LYVE1: variants seen among roughly 807,000 people sequenced by gnomAD.
LYVE1 encodes the protein lymphatic vessel endothelial hyaluronan receptor 1.
In LYVE1, 29 loss-of-function variants were observed where a neutral mutation model predicts 31.5. That is an observed-to-expected ratio of 0.92 (90% CI 0.69 to 1.26). LYVE1 has a LOEUF of 1.26. LYVE1 is among the 50% of genes most tolerant of loss of function. The pLI is 0.00. For missense variants in LYVE1, 376 were observed against 380.2 expected (o/e 0.99, Z 0.09); for synonymous variants, 134 against 139.4 (o/e 0.96, Z 0.27).
chr11:10,560,026 T>G (rs930200465), intron 4 of LYVE1, 132 bp from the exon 5 acceptor site: 4 of 611,306 alleles, frequency 6.5e-6, no homozygotes, highest in African/African-American at 5.6e-5. Context: ...TTTATGATAT[T>G]GGGCCCACAC....
chr11:10,559,227 C>T lies in LYVE1; in HGVS notation c.853G>A (p.Glu285Lys), dbSNP rs1351121269. 3.1e-6 allele frequency: 5 copies of T among 1,614,138 alleles called. No individual in the cohort carries two copies. The highest frequency in any genetic ancestry group is 3.4e-6 in the Non-Finnish European group (4 of 1,180,004). ...GGGTTGCTATCATTGGCCTTCTCCTCCTTTACTACTTTGGTTTCGATCATT... is the reference window on the plus strand; with the variant it reads ...GGGTTGCTATCATTGGCCTTCTCCTTCTTTACTACTTTGGTTTCGATCATT... ...KEMIETKVVK[E>K]EKANDSNPNE... Residue 285 changes from glutamate to lysine, a missense_variant, in exon 6 of 6, where the codon GAG becomes AAG. Transcript: ENST00000256178.
At chr11:10,563,800 C>T in intron 3 of LYVE1, 140 bp downstream of exon 3, 1 of 1,103,002 alleles carries the variant, frequency 9.1e-7, no homozygotes, top group Non-Finnish European at 1.3e-6. Context: ...CTAGCCTGGC[C>T]AGAGAGACAG....
chr11:10,561,719 C>A (rs1850429400), intron 3 of LYVE1, among the ~76,000 whole-genome samples: 1 of 151,744 alleles, frequency 6.6e-6, no homozygotes, highest in South Asian at 2.1e-4. Context: ...CCCAAAGTCA[C>A]AGAGCTAGTA....
In LYVE1 at chr11:10,558,189, T is replaced by C. The variant is rs901705098; in HGVS notation, c.*922A>G. ...ATGTGCAATTTTTTGAGGAATAATATTCAATTACAGAGTGTAATACCTTGC... is the reference window on the plus strand; with the variant it reads ...ATGTGCAATTTTTTGAGGAATAATACTCAATTACAGAGTGTAATACCTTGC... On this transcript the variant is annotated 3_prime_UTR_variant, in exon 6 of 6. Transcript: ENST00000256178. 6.6e-6 allele frequency: 1 copy of C among 152,218 alleles called. No homozygotes were observed. The highest frequency in any genetic ancestry group is 2.4e-5 in the African/African-American group (1 of 41,468). The allele number at this position is 152,218 out of a possible 1,614,324, so 9.4% of individuals were successfully genotyped here. A position where few individuals can be genotyped will look rare whatever the true frequency, so the allele number is the denominator to read the frequency against.
Position 10,558,155 on chromosome 11 carries a change from C to T in LYVE1, c.*956G>A, listed in dbSNP as rs1376259026. The stretch of plus-strand genomic sequence containing the variant: ...CTGAAAAAAATAGCTTCCCAGATAG[C>T]GTTCTACTATGTGCAATTTTTTGAG... On this transcript the variant is annotated 3_prime_UTR_variant, in exon 6 of 6. Transcript: ENST00000256178. The T allele has an allele frequency of 2.6e-5, 4 of 152,136 alleles. No homozygotes were observed. The highest frequency in any genetic ancestry group is 2.0e-4 in the Admixed American group (3 of 15,276). 9.4% of individuals were successfully genotyped at this position (152,136 alleles called of 1,614,324 possible). A position where few individuals can be genotyped will look rare whatever the true frequency, so the allele number is the denominator to read the frequency against.
Position 10,564,267 on chromosome 11 carries a change from C to G in LYVE1, c.193G>C (p.Gly65Arg), listed in dbSNP as rs149004349. 1 of 1,614,180 alleles carries G rather than the reference C, an allele frequency of 6.2e-7. No individual in the cohort carries two copies. Residue 65 changes from glycine (G) to arginine (R), a missense_variant, in exon 2 of 6, where the codon GGA becomes CGA. Coordinates refer to ENST00000256178, the MANE Select transcript of LYVE1 (RefSeq NM_006691.4). Reference protein sequence around the residue: ...TEAKEACRLLGLSLAGKDQVE... With the variant: ...TEAKEACRLLRLSLAGKDQVE... ...TGGTCCTTGCCGGCCAAACTTAGTC[C>G]CAGCAGCCTACAGGCCTCCTTAGCT...
At position 10,557,711 on chromosome 11, in the gene LYVE1, T is replaced by C. The variant is rs949093186; in HGVS notation, c.*1400A>G. 7 of 152,238 alleles carry C rather than the reference T, an allele frequency of 4.6e-5. No homozygotes were observed. Among genetic ancestry groups the C allele is most frequent in the Non-Finnish European group, 1.5e-5 (1 of 68,040 alleles). The allele number at this position is 152,238 out of a possible 1,614,324, so 9.4% of individuals were successfully genotyped here. A position where few individuals can be genotyped will look rare whatever the true frequency, so the allele number is the denominator to read the frequency against. ...CAAAATAAAATGTTTGGAGCATGAA[T>C]AGCCCCATATGATATATGCTGTTTG... On this transcript the variant is annotated 3_prime_UTR_variant, in exon 6 of 6. Transcript: ENST00000256178.
At chr11:10,562,946 CTTTTT>C (rs71034774) in intron 3 of LYVE1, among the ~76,000 whole-genome samples, 2 of 79,456 alleles carry the variant, frequency 2.5e-5, no homozygotes, top group Non-Finnish European at 4.6e-5. Flanking sequence ...AACTCGGTTT[CTTTTT>C]TTTTTTTTTT....
At chr11:10,566,231 T>TGGG (rs1850538978) in intron 1 of LYVE1, among the ~76,000 whole-genome samples, 1 of 151,966 alleles carries the variant, frequency 6.6e-6, no homozygotes, top group South Asian at 2.1e-4. Flanking sequence ...TGCTTCAGCC[T>TGGG]CCTGACTAGC....
intron 1 of LYVE1, 119 bp from the exon 2 acceptor site, chr11:10,564,493 G>A (rs1479248542): frequency 1.1e-5 from 10 of 878,140 alleles, no homozygotes; most frequent in African/African-American, 1.7e-5. Context: ...GGCTGGGACT[G>A]GGGTTTAGAA....
chr11:10,564,465 G>T, intron 1 of LYVE1, 91 bp from the exon 2 acceptor site: 1 of 1,204,422 alleles, frequency 8.3e-7, no homozygotes, highest in Non-Finnish European at 1.2e-6. Flanking sequence ...TCGTCCTGAT[G>T]CGCAGGGAGG....
Position 10,562,946 on chromosome 11 carries a change from CTTTTTTTTTTTTT to C in LYVE1, c.397+981_397+993del, listed in dbSNP as rs71034774. Reference sequence around the variant, plus strand: ...TGTTTACATCCTTTGAACTCGGTTTCTTTTTTTTTTTTTTTTTTTTTTTTTGAGACGGAGTCTC... The same window carrying C: ...TGTTTACATCCTTTGAACTCGGTTTCTTTTTTTTTTTTGAGACGGAGTCTC... On this transcript the variant is annotated intron_variant, in intron 3 of 5. Transcript: ENST00000256178. Among the ~76,000 whole-genome samples the C allele has an allele frequency of 7.2e-3, 571 of 79,498 alleles. 6 individuals carry two copies. Among genetic ancestry groups the C allele is most frequent in the African/African-American group, 0.026 (551 of 21,484 alleles). 52.2% of individuals were successfully genotyped at this position (79,498 alleles called of 152,430 possible). A position where few individuals can be genotyped will look rare whatever the true frequency, so the allele number is the denominator to read the frequency against.
chr11:10,563,385 TA>T (rs1850471136), intron 3 of LYVE1, among the ~76,000 whole-genome samples: 1 of 152,234 alleles, frequency 6.6e-6, no homozygotes, highest in African/African-American at 2.4e-5. Context: ...AATACAACAA[TA>T]AAAAAGCAAA....
chr11:10,564,331 A>T lies in LYVE1; in HGVS notation c.129T>A (p.Leu43=). The change falls in exon 2 of 6, where the codon CTT becomes CTA. Residue 43 remains leucine (L), a synonymous_variant. Coordinates refer to ENST00000256178, the MANE Select transcript of LYVE1 (RefSeq NM_006691.4). ...GCTGCTGGTTCGCCTTTTTGCTCAC[A>T]AGGGTGATCCCCATAATTCTGCATG... ...QVSCRIMGIT[L]VSKKANQQLN... 6.2e-7 allele frequency: 1 copy of T among 1,614,160 alleles called. No individual in the cohort carries two copies. Among genetic ancestry groups the T allele is most frequent in the Non-Finnish European group, 8.5e-7 (1 of 1,180,020 alleles).
chr11:10,563,196 G>T (rs1031215649), intron 3 of LYVE1, among the ~76,000 whole-genome samples: 6 of 151,802 alleles, frequency 4.0e-5, no homozygotes, highest in African/African-American at 2.4e-5. Context: ...TGATCTGCCC[G>T]CCTCGGCCTC....
At chr11:10,560,824 A>G in intron 3 of LYVE1, 24 bp from the exon 4 acceptor site, 1 of 1,570,462 alleles carries the variant, frequency 6.4e-7, no homozygotes, top group Non-Finnish European at 8.7e-7. Flanking sequence ...GAAACATGGA[A>G]TAAAAGTATT....
In LYVE1 at chr11:10,560,629, G is replaced by C; in HGVS notation, c.569C>G (p.Ser190Cys). The stretch of plus-strand genomic sequence containing the variant: ...TTTTTTTCTCCGTGGAATAGAAGTG[G>C]AAGCTGGAGCAGGAGGAGTAGTAGT... ...APTTTPPAPA[S>C]TSIPRRKKLI... The change falls in exon 4 of 6, where the codon TCC (serine) becomes TGC (cysteine). Residue 190 changes from serine (S) to cysteine (C), a missense_variant. Coordinates refer to ENST00000256178, the MANE Select transcript of LYVE1 (RefSeq NM_006691.4). 6.2e-7 allele frequency: 1 copy of C among 1,614,166 alleles called. No individual in the cohort carries two copies. Among genetic ancestry groups the C allele is most frequent in the Non-Finnish European group, 8.5e-7 (1 of 1,180,016 alleles).
chr11:10,559,330 A>G (rs778944413), intron 5 of LYVE1, 33 bp from the exon 6 acceptor site: 1 of 1,555,406 alleles, frequency 6.4e-7, no homozygotes, highest in African/African-American at 1.4e-5. Flanking sequence ...AAAGTGAGAG[A>G]CTCTCACACA....
intron 1 of LYVE1, among the ~76,000 whole-genome samples, 188 bp from the exon 2 acceptor site, chr11:10,564,562 TTGTTCTTGTCCAAGC>T (rs1361841309): frequency 2.6e-5 from 4 of 152,198 alleles, no homozygotes; most frequent in Admixed American, 6.5e-5. Context: ...AGATGGATGC[TTGTTCTTGTCCAAGC>T]TGTAAATGTC....
Sources: gnomAD v4.1 joint callset for allele counts (sites outside exome capture counted in the v4.1 genomes callset) on GRCh38, gnomAD v4.1.1 for gene constraint, MANE v1.5 for transcripts, NCBI Gene and HGNC (gene_info 2026-07-23, HGNC 2026-07-21) for gene names.